The following KCNIP4 variants were observed in gnomAD, a reference collection of about 807,000 sequenced individuals.
The protein encoded by KCNIP4 is Kv channel-interacting protein 4.
A neutral mutation model predicts 34.0 loss-of-function variants in KCNIP4; 12 were observed. That is an observed-to-expected ratio of 0.35 (90% CI 0.23 to 0.57). The LOEUF (loss-of-function observed/expected upper bound fraction) is 0.57, where lower values mean the gene tolerates loss of function less well. KCNIP4 is among the 20% of genes least tolerant of loss of function. KCNIP4 has a pLI of 0.83. For synonymous variants in KCNIP4, 124 were observed against 102.2 expected (o/e 1.21, Z -1.29); for missense variants, 238 against 311.7 (o/e 0.76, Z 1.78).
At chr4:21,378,292 A>G (rs532980981) in intron 1 of KCNIP4, among the ~76,000 whole-genome samples, 2 of 152,328 alleles carry the variant, frequency 1.3e-5, no homozygotes, top group Non-Finnish European at 1.5e-5. Flanking sequence ...TGTTAGCACT[A>G]TCTTTTAATA....
chr4:21,211,381 C>A (rs1215718874), intron 1 of KCNIP4, among the ~76,000 whole-genome samples: 1 of 152,154 alleles, frequency 6.6e-6, no homozygotes, highest in African/African-American at 2.4e-5. Context: ...GGTGAGTGAG[C>A]ATTACTGCCT....
intron 1 of KCNIP4, among the ~76,000 whole-genome samples, chr4:21,256,567 T>G (rs906517058): frequency 2.6e-4 from 40 of 151,826 alleles, no homozygotes; most frequent in African/African-American, 9.7e-4. Context: ...CCATTGCACT[T>G]CAGCCTGGGT....
intron 1 of KCNIP4, among the ~76,000 whole-genome samples, chr4:21,682,882 G>A (rs557971724): frequency 3.3e-5 from 5 of 152,208 alleles, no homozygotes; most frequent in Non-Finnish European, 5.9e-5. Flanking sequence ...AAACACTTAC[G>A]ATAGTAACCT....
intron 4 of KCNIP4, among the ~76,000 whole-genome samples, chr4:20,751,476 T>C (rs1292466813): frequency 6.6e-6 from 1 of 152,160 alleles, no homozygotes; most frequent in Non-Finnish European, 1.5e-5. Context: ...CTTCTTGAAC[T>C]ATATAGTGCC....
In KCNIP4 at chr4:21,549,816, T is replaced by C. The variant is rs530349171; in HGVS notation, c.61+398755A>G. Among the ~76,000 whole-genome samples the C allele has an allele frequency of 5.5e-4, 84 of 152,114 alleles. 1 individual carries two copies. The highest frequency in any genetic ancestry group is 1.9e-3 in the African/African-American group (78 of 41,520). On this transcript the variant is annotated intron_variant, in intron 1 of 8. Transcript: ENST00000382152. ...CTAAATGAGATTAACTTTGGGACAA[T>C]TGGATTCCAGAGAGACTGGATACAT...
chr4:21,431,886 T>C (rs183577120), intron 1 of KCNIP4, among the ~76,000 whole-genome samples: 125 of 151,164 alleles, frequency 8.3e-4, no homozygotes, highest in African/African-American at 2.7e-3. Context: ...TTAATCACAA[T>C]GTTTGGTACA....
chr4:20,983,748 T>C (rs1291449224), intron 1 of KCNIP4: 3 of 1,312,410 alleles, frequency 2.3e-6, no homozygotes, highest in Non-Finnish European at 3.2e-6. Context: ...TCTTAACTTC[T>C]GCAGCATCTG....
At chr4:20,829,764 T>C (rs1336994863) in intron 3 of KCNIP4, among the ~76,000 whole-genome samples, 1 of 152,168 alleles carries the variant, frequency 6.6e-6, no homozygotes, top group Non-Finnish European at 1.5e-5. Flanking sequence ...CTCACTCTGC[T>C]CTGTCAGAGT....
intron 1 of KCNIP4, among the ~76,000 whole-genome samples, chr4:21,911,604 TCACACACACACACACACACA>T (rs149500330): frequency 0.01 from 1,312 of 129,972 alleles, 10 homozygotes; most frequent in Non-Finnish European, 0.013. Flanking sequence ...GAATTGATAT[TCACACACACACACACACACA>T]CACACACACA....
intron 4 of KCNIP4, among the ~76,000 whole-genome samples, chr4:20,757,146 G>A (rs1418855713): frequency 1.3e-5 from 2 of 152,036 alleles, no homozygotes; most frequent in South Asian, 2.1e-4. Context: ...AATCCTGGAA[G>A]GTATCACAAA....
intron 1 of KCNIP4, among the ~76,000 whole-genome samples, chr4:21,522,700 T>C (rs1210301997): frequency 1.3e-5 from 2 of 151,952 alleles, no homozygotes; most frequent in Non-Finnish European, 2.9e-5. Flanking sequence ...TTACTACCTG[T>C]CCAACCATAG....
At chr4:21,672,146 A>T (rs2109009961) in intron 1 of KCNIP4, among the ~76,000 whole-genome samples, 1 of 152,286 alleles carries the variant, frequency 6.6e-6, no homozygotes, top group South Asian at 2.1e-4. Context: ...GTGGAGAGCT[A>T]GGCGAGGAAT....
At chr4:21,737,966 C>CCT (rs1716110565) in intron 1 of KCNIP4, among the ~76,000 whole-genome samples, 1 of 151,832 alleles carries the variant, frequency 6.6e-6, no homozygotes, top group Admixed American at 6.6e-5. Context: ...TGGTGGCACG[C>CCT]CTGTAGTCCC....
At chr4:21,210,584 T>G (rs1757148727) in intron 1 of KCNIP4, among the ~76,000 whole-genome samples, 1 of 152,142 alleles carries the variant, frequency 6.6e-6, no homozygotes, top group Non-Finnish European at 1.5e-5. Context: ...TCTAATAACT[T>G]AGGTGGATAA....
chr4:21,495,589 CT>C (rs533989256), intron 1 of KCNIP4, among the ~76,000 whole-genome samples: 136 of 146,778 alleles, frequency 9.3e-4, no homozygotes, highest in Non-Finnish European at 1.4e-3. Flanking sequence ...AAACACTTAC[CT>C]TTTTTTTTTT....
intron 1 of KCNIP4, among the ~76,000 whole-genome samples, chr4:21,066,010 A>T (rs992878201): frequency 6.6e-6 from 1 of 152,012 alleles, no homozygotes; most frequent in Non-Finnish European, 1.5e-5. Flanking sequence ...CATAGAAAAC[A>T]CATTGAAAGT....
intron 1 of KCNIP4, among the ~76,000 whole-genome samples, chr4:21,200,542 A>T (rs1756419201): frequency 1.3e-5 from 2 of 151,926 alleles, no homozygotes; most frequent in Non-Finnish European, 2.9e-5. Context: ...TCAGGAATGG[A>T]AAACCAATAT....
chr4:21,818,860 A>G (rs1389339049), intron 1 of KCNIP4, among the ~76,000 whole-genome samples: 1 of 152,192 alleles, frequency 6.6e-6, no homozygotes, highest in Non-Finnish European at 1.5e-5. Flanking sequence ...AAACAAAACA[A>G]AACAAAACAA....
chr4:20,774,814 C>T (rs1031954549), intron 3 of KCNIP4, among the ~76,000 whole-genome samples: 1 of 152,136 alleles, frequency 6.6e-6, no homozygotes, highest in Non-Finnish European at 1.5e-5. Context: ...GCAAATGTGC[C>T]TGGGGAGTGT....
Sources: allele counts gnomAD v4.1 joint callset (sites outside exome capture counted in the v4.1 genomes callset), GRCh38; gene constraint gnomAD v4.1.1; transcripts MANE v1.5; gene names NCBI Gene and HGNC (gene_info 2026-07-23, HGNC 2026-07-21).